KLF8: variants seen among roughly 807,000 people sequenced by gnomAD.
KLF8 encodes the protein KLF transcription factor 8.
Under a neutral mutation model 18.2 loss-of-function variants are expected in KLF8, and 10 were observed. The observed-to-expected ratio is 0.55, with a 90% CI of 0.34 to 0.93. The LOEUF is 0.93. Ranked by LOEUF, KLF8 falls within the 40% of genes least tolerant of loss-of-function variation. The probability of loss-of-function intolerance (pLI) is 0.02; values close to 1 mark genes in which losing one functional copy is unlikely to be tolerated. For synonymous variants in KLF8, 109 were observed against 97.3 expected, an observed-to-expected ratio of 1.12 and a Z score of -0.71; for missense variants, 264 against 277.9, an observed-to-expected ratio of 0.95 and a Z score of 0.36.
chrX:56,087,353 G>A, the KLF8 span, among the ~76,000 whole-genome samples: 81 of 110,591 alleles, frequency 7.3e-4, no homozygotes, highest in African/African-American at 2.6e-3. Flanking sequence ...GAATGGTTTA[G>A]CCCCATCCCC....
the KLF8 span, among the ~76,000 whole-genome samples, chrX:56,065,804 C>CTATGATA: frequency 1.8e-5 from 2 of 111,827 alleles, no homozygotes; most frequent in Non-Finnish European, 3.8e-5. Flanking sequence ...AGTTATTTGA[C>CTATGATA]TGTAAACAGC....
At chrX:56,198,595 C>A in the KLF8 span, among the ~76,000 whole-genome samples, 4 of 111,767 alleles carry the variant, frequency 3.6e-5, no homozygotes, top group Admixed American at 1.9e-4. Context: ...AAAGAGGACA[C>A]AAACAAATGG....
chrX:56,200,250 C>A, the KLF8 span, among the ~76,000 whole-genome samples: 5 of 110,200 alleles, frequency 4.5e-5, no homozygotes, highest in African/African-American at 1.6e-4. Flanking sequence ...TCTTCTAACT[C>A]ATAAACGTAA....
chrX:56,176,995 G>T, the KLF8 span, among the ~76,000 whole-genome samples: 1 of 111,121 alleles, frequency 9.0e-6, no homozygotes, highest in Non-Finnish European at 1.9e-5. Context: ...ATTCTAGGTA[G>T]CCATTCGTCT....
the KLF8 span, among the ~76,000 whole-genome samples, chrX:56,174,950 T>C: frequency 8.9e-6 from 1 of 112,102 alleles, no homozygotes; most frequent in Admixed American, 9.5e-5. Flanking sequence ...ATATCCTGTT[T>C]GTCATTTTTT....
chrX:56,033,965 TTG>T, the KLF8 span, among the ~76,000 whole-genome samples: 1 of 112,608 alleles, frequency 8.9e-6, no homozygotes, highest in South Asian at 3.6e-4. Context: ...TTATCAGATG[TTG>T]GCTTGCAAAT....
the KLF8 span, among the ~76,000 whole-genome samples, chrX:56,150,477 T>G: frequency 8.9e-6 from 1 of 111,881 alleles, no homozygotes; most frequent in Non-Finnish European, 1.9e-5. Context: ...TTACATTAAC[T>G]CCAGCACCTG....
intron 2 of KLF8, among the ~76,000 whole-genome samples, chrX:56,260,277 C>T (rs753154223): frequency 2.8e-5 from 3 of 108,881 alleles, no homozygotes; most frequent in South Asian, 4.1e-4. Context: ...GAGGTGTAGA[C>T]GAGTGTTTTT....
At chrX:56,168,173 G>A in the KLF8 span, among the ~76,000 whole-genome samples, 2 of 112,115 alleles carry the variant, frequency 1.8e-5, no homozygotes, top group African/African-American at 6.5e-5. Context: ...AGGCTTCTAA[G>A]TAGTCTCCTC....
the KLF8 span, among the ~76,000 whole-genome samples, chrX:56,102,000 G>T: frequency 3.6e-5 from 4 of 110,941 alleles, no homozygotes; most frequent in African/African-American, 1.3e-4. Context: ...TTGTTTTTTA[G>T]GAATTCAGCC....
At chrX:56,270,091 C>A in intron 4 of KLF8, 91 bp from the exon 5 acceptor site, 3 of 882,521 alleles carry the variant, frequency 3.4e-6, no homozygotes, top group Non-Finnish European at 3.2e-6. Flanking sequence ...AATTAAAAGC[C>A]GATATGATGT....
the KLF8 span, among the ~76,000 whole-genome samples, chrX:55,922,380 C>T: frequency 1.8e-5 from 2 of 112,374 alleles, no homozygotes; most frequent in Non-Finnish European, 3.8e-5. Context: ...CCAAACACTG[C>T]GTGTTCTCAC....
chrX:56,244,380 G>A (rs1404450476), intron 1 of KLF8, among the ~76,000 whole-genome samples: 1 of 110,528 alleles, frequency 9.0e-6, no homozygotes, highest in African/African-American at 3.3e-5. Flanking sequence ...TAGAGATGGG[G>A]TCTCACTATG....
chrX:56,137,432 A>C, the KLF8 span, among the ~76,000 whole-genome samples: 6 of 106,580 alleles, frequency 5.6e-5, no homozygotes, highest in Admixed American at 1.0e-4. Flanking sequence ...GCCATAAAAA[A>C]TGATGAGTTC....
At chrX:56,154,422 T>A in the KLF8 span, among the ~76,000 whole-genome samples, 1 of 111,745 alleles carries the variant, frequency 8.9e-6, no homozygotes, top group South Asian at 3.7e-4. Context: ...TGAAACTGGA[T>A]CCCTTCCTTA....
At chrX:55,999,829 A>T in the KLF8 span, among the ~76,000 whole-genome samples, 1 of 111,889 alleles carries the variant, frequency 8.9e-6, no homozygotes, top group African/African-American at 3.2e-5. Context: ...TCCTATTTGG[A>T]TGCCTTTATT....
the KLF8 span, among the ~76,000 whole-genome samples, chrX:56,002,837 C>CT: frequency 9.0e-6 from 1 of 111,460 alleles, no homozygotes; most frequent in African/African-American, 3.3e-5. Flanking sequence ...ATCTAATTGT[C>CT]TTTTTTCGCT....
chrX:56,279,250 T>C (rs1350488926), intron 5 of KLF8, among the ~76,000 whole-genome samples: 3 of 111,503 alleles, frequency 2.7e-5, no homozygotes, highest in Non-Finnish European at 5.6e-5. Context: ...ATTGGTGTTC[T>C]TGTTGGGGCA....
At chrX:56,150,322 C>T in the KLF8 span, among the ~76,000 whole-genome samples, 2 of 111,265 alleles carry the variant, frequency 1.8e-5, no homozygotes, top group East Asian at 5.6e-4. Flanking sequence ...TGTTTTTCTC[C>T]CTGCCCTAAC....
Sources: allele counts gnomAD v4.1 joint callset (sites outside exome capture counted in the v4.1 genomes callset), GRCh38; gene constraint gnomAD v4.1.1; transcripts MANE v1.5; gene names NCBI Gene and HGNC (gene_info 2026-07-23, HGNC 2026-07-21).